SUGCT: variants seen among roughly 807,000 people sequenced by gnomAD.
SUGCT encodes succinyl-CoA:glutarate CoA-transferase.
Under a neutral mutation model 55.0 loss-of-function variants are expected in SUGCT, and 41 were observed. That is an observed-to-expected ratio of 0.74 (90% CI 0.58 to 0.97). The LOEUF (loss-of-function observed/expected upper bound fraction) is 0.97. Ranked by LOEUF, SUGCT falls within the 50% of genes least tolerant of loss-of-function variation. The pLI is 0.00. For synonymous variants in SUGCT, 187 were observed against 200.4 expected (o/e 0.93, Z 0.56); for missense variants, 568 against 547.8 (o/e 1.04, Z -0.37).
intron 11 of SUGCT, among the ~76,000 whole-genome samples, chr7:40,460,835 T>C: frequency 6.6e-6 from 1 of 152,204 alleles, no homozygotes; most frequent in Non-Finnish European, 1.5e-5. Context: ...TTGGTATCTA[T>C]AAGTTTGTTA....
chr7:40,942,916 CTTTTT>C, the SUGCT span, among the ~76,000 whole-genome samples: 2 of 151,940 alleles, frequency 1.3e-5, no homozygotes, highest in Admixed American at 6.6e-5. Flanking sequence ...GTTCTGATTA[CTTTTT>C]AAAAAATATC....
intron 12 of SUGCT, among the ~76,000 whole-genome samples, chr7:40,669,020 T>G (rs1282538271): frequency 6.6e-6 from 1 of 152,168 alleles, no homozygotes; most frequent in African/African-American, 2.4e-5. Context: ...GGCTGGAATT[T>G]TCCCTCTACT....
At chr7:40,408,120 T>C (rs1786481743) in intron 9 of SUGCT, among the ~76,000 whole-genome samples, 1 of 152,178 alleles carries the variant, frequency 6.6e-6, no homozygotes. Flanking sequence ...GAGCATTTCT[T>C]AAACTTGAAA....
chr7:41,017,060 G>A, the SUGCT span, among the ~76,000 whole-genome samples: 2 of 152,188 alleles, frequency 1.3e-5, no homozygotes, highest in Non-Finnish European at 2.9e-5. Flanking sequence ...ACGTTACTCA[G>A]CCATGCGCTT....
At chr7:40,371,316 G>A (rs1486297829) in intron 9 of SUGCT, among the ~76,000 whole-genome samples, 1 of 152,108 alleles carries the variant, frequency 6.6e-6, no homozygotes, top group Non-Finnish European at 1.5e-5. Flanking sequence ...CTTTGCATTT[G>A]TGTTTTGTTT....
chr7:40,763,221 A>T (rs961534355), intron 13 of SUGCT, among the ~76,000 whole-genome samples: 1 of 152,206 alleles, frequency 6.6e-6, no homozygotes, highest in African/African-American at 2.4e-5. Flanking sequence ...AACACTCGCT[A>T]ACACTTAGTG....
chr7:40,664,413 A>G (rs1228214948), intron 12 of SUGCT, among the ~76,000 whole-genome samples: 1 of 152,178 alleles, frequency 6.6e-6, no homozygotes, highest in Non-Finnish European at 1.5e-5. Flanking sequence ...ATCTGGATGC[A>G]TGCTAGGGTC....
chr7:40,763,843 C>T (rs948989703), intron 13 of SUGCT, among the ~76,000 whole-genome samples: 5 of 152,112 alleles, frequency 3.3e-5, no homozygotes, highest in Non-Finnish European at 7.3e-5. Context: ...AGAAACGATT[C>T]CTCCTTTCTG....
At chr7:40,730,253 A>G (rs547641100) in intron 12 of SUGCT, among the ~76,000 whole-genome samples, 14 of 152,188 alleles carry the variant, frequency 9.2e-5, no homozygotes, top group African/African-American at 3.1e-4. Flanking sequence ...GATTACAGGC[A>G]TGCACCACAG....
chr7:40,343,726 G>T (rs1431915680), intron 9 of SUGCT, among the ~76,000 whole-genome samples: 2 of 151,782 alleles, frequency 1.3e-5, no homozygotes, highest in Non-Finnish European at 2.9e-5. Flanking sequence ...GCGCAATCTC[G>T]GCTCATTGCA....
chr7:40,756,622 G>A (rs1352336088), intron 13 of SUGCT, among the ~76,000 whole-genome samples: 2 of 152,150 alleles, frequency 1.3e-5, no homozygotes, highest in African/African-American at 2.4e-5. Flanking sequence ...AGTGGGGAAA[G>A]CTGTCACAAA....
chr7:40,392,104 G>A (rs1785466433), intron 9 of SUGCT, among the ~76,000 whole-genome samples: 1 of 152,148 alleles, frequency 6.6e-6, no homozygotes. Context: ...TGGACACAGG[G>A]TGGAGAACGT....
chr7:41,004,371 CA>C, the SUGCT span, among the ~76,000 whole-genome samples: 1 of 152,174 alleles, frequency 6.6e-6, no homozygotes, highest in African/African-American at 2.4e-5. Flanking sequence ...TTTCTTTTGG[CA>C]AAGTGAAGGC....
intron 12 of SUGCT, among the ~76,000 whole-genome samples, chr7:40,595,495 C>T (rs545855076): frequency 1.3e-5 from 2 of 152,238 alleles, no homozygotes; most frequent in African/African-American, 4.8e-5. Context: ...CTGACATCAC[C>T]TTAGAGGCAG....
intron 12 of SUGCT, among the ~76,000 whole-genome samples, chr7:40,689,785 G>T (rs1176353677): frequency 6.6e-6 from 1 of 151,898 alleles, no homozygotes. Context: ...TTGAAGGGTG[G>T]GGGGATTGGG....
At chr7:40,935,905 T>G in the SUGCT span, among the ~76,000 whole-genome samples, 1 of 152,138 alleles carries the variant, frequency 6.6e-6, no homozygotes, top group Non-Finnish European at 1.5e-5. Flanking sequence ...TTACCAACAT[T>G]TGTTATTGTC....
intron 7 of SUGCT, among the ~76,000 whole-genome samples, chr7:40,259,466 C>T (rs1171974143): frequency 6.6e-6 from 1 of 152,080 alleles, no homozygotes; most frequent in Non-Finnish European, 1.5e-5. Context: ...TAAGCGTTAT[C>T]ATAATAAAAT....
At chr7:40,968,412 T>C in the SUGCT span, among the ~76,000 whole-genome samples, 1 of 152,180 alleles carries the variant, frequency 6.6e-6, no homozygotes, top group Non-Finnish European at 1.5e-5. Flanking sequence ...GGCTTAACAC[T>C]AACTGGCATG....
chr7:40,719,038 C>T (rs191048053), intron 12 of SUGCT, among the ~76,000 whole-genome samples: 163 of 152,282 alleles, frequency 1.1e-3, no homozygotes, highest in Non-Finnish European at 1.6e-3. Context: ...TATGTCTAAA[C>T]TTTTTCATAT....
Sources: gnomAD v4.1 joint callset for allele counts (sites outside exome capture counted in the v4.1 genomes callset) on GRCh38, gnomAD v4.1.1 for gene constraint, MANE v1.5 for transcripts, NCBI Gene and HGNC (gene_info 2026-07-23, HGNC 2026-07-21) for gene names.